The following ACOXL variants were observed in gnomAD, a reference collection of about 807,000 sequenced individuals.
The protein encoded by ACOXL is acyl-CoA oxidase like.
A neutral mutation model predicts 71.9 loss-of-function variants in ACOXL; 70 were observed. The ratio of observed to expected loss-of-function variants is 0.97; its 90% CI spans 0.80 to 1.19. ACOXL has a LOEUF of 1.19. Ranked by LOEUF, ACOXL falls within the 50% of genes most tolerant of loss-of-function variation. The pLI, the probability that ACOXL is intolerant of heterozygous loss-of-function variation, is 0.00. For synonymous variants in ACOXL, 253 were observed against 281.6 expected, an observed-to-expected ratio of 0.90 and a Z score of 1.02; for missense variants, 703 against 736.3, an observed-to-expected ratio of 0.95 and a Z score of 0.52.
chr2:110,842,708 G>T (rs1187379110), intron 10 of ACOXL, among the ~76,000 whole-genome samples: 1 of 152,110 alleles, frequency 6.6e-6, no homozygotes, highest in Non-Finnish European at 1.5e-5. Flanking sequence ...AGATAAGTAT[G>T]TTTCTTTTCT....
chr2:111,068,844 G>A (rs1010102337), intron 16 of ACOXL, among the ~76,000 whole-genome samples: 4 of 152,158 alleles, frequency 2.6e-5, no homozygotes, highest in African/African-American at 9.7e-5. Flanking sequence ...TCTCACTGCT[G>A]TCATATTTGA....
intron 1 of ACOXL, among the ~76,000 whole-genome samples, chr2:110,749,908 C>T (rs1678702838): frequency 6.6e-6 from 1 of 152,194 alleles, no homozygotes; most frequent in Admixed American, 6.5e-5. Flanking sequence ...TTTCCATGAC[C>T]TGGCTGTTTT....
At chr2:111,054,847 G>A (rs1033235331) in intron 16 of ACOXL, among the ~76,000 whole-genome samples, 1 of 152,108 alleles carries the variant, frequency 6.6e-6, no homozygotes, top group Non-Finnish European at 1.5e-5. Context: ...TTTTCCCCTA[G>A]CCTGATGGAA....
chr2:111,026,134 C>A (rs2065006917), intron 14 of ACOXL, among the ~76,000 whole-genome samples: 1 of 152,176 alleles, frequency 6.6e-6, no homozygotes, highest in African/African-American at 2.4e-5. Flanking sequence ...TCTATCCTTA[C>A]CCCAATACCG....
chr2:111,044,950 C>A (rs2065944340), intron 15 of ACOXL, among the ~76,000 whole-genome samples: 1 of 152,158 alleles, frequency 6.6e-6, no homozygotes, highest in African/African-American at 2.4e-5. Flanking sequence ...CTCAAAGCCA[C>A]TTGTTATCTA....
chr2:111,083,408 CA>C (rs1307914765), intron 16 of ACOXL, among the ~76,000 whole-genome samples: 2 of 152,028 alleles, frequency 1.3e-5, no homozygotes, highest in Non-Finnish European at 2.9e-5. Context: ...GGAAAAGGTA[CA>C]GGGGGTAAAG....
At chr2:111,055,137 A>T (rs1252463648) in intron 16 of ACOXL, among the ~76,000 whole-genome samples, 1 of 152,094 alleles carries the variant, frequency 6.6e-6, no homozygotes, top group East Asian at 1.9e-4. Flanking sequence ...AGTATCCAGC[A>T]TGGGGACTGG....
chr2:110,966,798 C>T (rs3789102), intron 12 of ACOXL, among the ~76,000 whole-genome samples: 74,420 of 152,084 alleles, frequency 0.49, 18,421 homozygotes, highest in Middle Eastern at 0.6. Flanking sequence ...CCTTCCCTGA[C>T]GTCAGCAGGG....
chr2:110,860,960 A>G (rs1019097121), intron 10 of ACOXL, among the ~76,000 whole-genome samples: 13 of 152,144 alleles, frequency 8.5e-5, no homozygotes, highest in Admixed American at 2.0e-4. Context: ...AATAAATCCT[A>G]CAAGAGCTTC....
intron 12 of ACOXL, among the ~76,000 whole-genome samples, chr2:110,952,976 A>G (rs1296717088): frequency 6.6e-6 from 1 of 152,230 alleles, no homozygotes; most frequent in South Asian, 2.1e-4. Flanking sequence ...TATTTGACCT[A>G]TGAATTAGTT....
At chr2:110,896,106 AAC>A (rs1339785922) in intron 10 of ACOXL, among the ~76,000 whole-genome samples, 1 of 152,158 alleles carries the variant, frequency 6.6e-6, no homozygotes, top group Non-Finnish European at 1.5e-5. Flanking sequence ...AGGGGAAAGA[AAC>A]GAGATATAAA....
chr2:110,982,251 G>A lies in ACOXL; in HGVS notation c.1060-4857G>A, dbSNP rs191878419. 2.0e-3 allele frequency among the ~76,000 whole-genome samples: 307 copies of A among 152,226 alleles called. 8 individuals carry two copies. The highest frequency in any genetic ancestry group is 3.4e-3 in the Middle Eastern group (1 of 294). ...GCTCACTGCAACCTCCACCTCCCGG[G>A]TTCAAGTCAAATCCGTGTTTAAGGC... On this transcript the variant is annotated intron_variant, in intron 12 of 17. Transcript: ENST00000439055.
chr2:110,859,102 T>C (rs1693627073), intron 10 of ACOXL, among the ~76,000 whole-genome samples: 1 of 152,268 alleles, frequency 6.6e-6, no homozygotes, highest in Non-Finnish European at 1.5e-5. Context: ...GCTGATTTTA[T>C]CTGCCTGGGC....
At chr2:110,974,190 G>A (rs1287293596) in intron 12 of ACOXL, among the ~76,000 whole-genome samples, 2 of 152,160 alleles carry the variant, frequency 1.3e-5, no homozygotes, top group Non-Finnish European at 2.9e-5. Flanking sequence ...CCTTATTGAA[G>A]TAGAGATGGA....
At chr2:110,987,301 C>T (rs1175592035) in intron 13 of ACOXL, 84 bp downstream of exon 13, 5 of 1,289,220 alleles carry the variant, frequency 3.9e-6, no homozygotes, top group Non-Finnish European at 5.4e-6. Flanking sequence ...ATAACTCACT[C>T]TTGCTTGAAA....
chr2:111,064,648 T>G (rs1039094443), intron 16 of ACOXL, among the ~76,000 whole-genome samples: 10 of 152,156 alleles, frequency 6.6e-5, no homozygotes, highest in Admixed American at 1.3e-4. Context: ...TCCCAAATAT[T>G]TTTGATCTGT....
At chr2:110,788,491 A>G (rs1031085719) in intron 3 of ACOXL, among the ~76,000 whole-genome samples, 9 of 152,124 alleles carry the variant, frequency 5.9e-5, no homozygotes, top group Admixed American at 3.3e-4. Context: ...GGAGGGGAGA[A>G]TGGGAGTTAT....
Position 110,784,778 on chromosome 2 carries a change from A to G in ACOXL, c.122A>G (p.Glu41Gly), listed in dbSNP as rs377423131. 14 of 1,610,066 alleles carry G rather than the reference A, an allele frequency of 8.7e-6. No individual in the cohort carries two copies. Among genetic ancestry groups the G allele is most frequent in the Non-Finnish European group, 1.1e-5 (13 of 1,178,632 alleles). The change falls in exon 3 of 18, where the codon GAA becomes GGA. Residue 41 changes from glutamate to glycine, a missense_variant. Physicochemically the swap from Glu to Gly is moderately conservative, Grantham distance 98 (BLOSUM62 -2). Coordinates refer to ENST00000439055, the MANE Select transcript of ACOXL (RefSeq NM_001142807.4). ...NFVSRSLVIG[E>G]VLSMADMATG... The stretch of plus-strand genomic sequence containing the variant: ...GTCAGCCGAAGCCTTGTCATAGGAG[A>G]AGTCCTCTCCATGGCGGACATGGCC...
At chr2:110,763,598 A>T (rs1001189620) in intron 1 of ACOXL, among the ~76,000 whole-genome samples, 1 of 152,206 alleles carries the variant, frequency 6.6e-6, no homozygotes, top group African/African-American at 2.4e-5. Context: ...TTCCTAGGAG[A>T]TCTAGAAGAA....
Sources: allele counts gnomAD v4.1 joint callset (sites outside exome capture counted in the v4.1 genomes callset), GRCh38; gene constraint gnomAD v4.1.1; transcripts MANE v1.5; gene names NCBI Gene and HGNC (gene_info 2026-07-23, HGNC 2026-07-21).